Variants in MTSS1 observed in about 807,000 individuals in gnomAD.
MTSS1 encodes the protein MTSS I-BAR domain containing 1.
In MTSS1, 18 loss-of-function variants were observed where a neutral mutation model predicts 79.0. That is an observed-to-expected ratio of 0.23 (90% CI 0.16 to 0.34). The LOEUF is 0.34. Among genes scored for constraint, MTSS1 ranks in the 10% least tolerant of loss-of-function variants. The probability of loss-of-function intolerance (pLI) is 1.00; values close to 1 mark genes in which losing one functional copy is unlikely to be tolerated. For synonymous variants in MTSS1, 341 were observed against 368.6 expected (o/e 0.93, Z 0.86); for missense variants, 815 against 986.2 (o/e 0.83, Z 2.33).
At chr8:124,642,393 A>C (rs1818222034) in intron 3 of MTSS1, among the ~76,000 whole-genome samples, 1 of 152,200 alleles carries the variant, frequency 6.6e-6, no homozygotes, top group African/African-American at 2.4e-5. Flanking sequence ...CAACAGAAGG[A>C]GCCCAAAGTC....
At chr8:124,668,870 A>G (rs1201729586) in intron 3 of MTSS1, among the ~76,000 whole-genome samples, 1 of 152,136 alleles carries the variant, frequency 6.6e-6, no homozygotes, top group African/African-American at 2.4e-5. Context: ...AACCACCATT[A>G]CCACCTTCTT....
At chr8:124,639,623 C>T (rs930704991) in intron 3 of MTSS1, among the ~76,000 whole-genome samples, 2 of 152,026 alleles carry the variant, frequency 1.3e-5, no homozygotes, top group South Asian at 4.2e-4. Context: ...CCACCATGCC[C>T]AGCTAATTTT....
chr8:124,567,636 T>A, intron 7 of MTSS1: 1 of 1,398,816 alleles, frequency 7.1e-7, no homozygotes, highest in Non-Finnish European at 9.3e-7. Context: ...TTCTTTCTTG[T>A]GCTTTTCCAG....
intron 3 of MTSS1, among the ~76,000 whole-genome samples, chr8:124,678,275 TG>T (rs2134879818): frequency 6.6e-6 from 1 of 152,328 alleles, no homozygotes; most frequent in South Asian, 2.1e-4. Context: ...CTCTGAGACC[TG>T]GGGAACACTA....
intron 3 of MTSS1, among the ~76,000 whole-genome samples, chr8:124,670,852 A>G (rs927155507): frequency 3.3e-5 from 5 of 152,112 alleles, no homozygotes; most frequent in Non-Finnish European, 7.4e-5. Flanking sequence ...CCTCCCTCTG[A>G]GGACATCAAA....
chr8:124,705,542 C>T (rs150527513), intron 1 of MTSS1, among the ~76,000 whole-genome samples: 161 of 152,132 alleles, frequency 1.1e-3, no homozygotes, highest in African/African-American at 3.7e-3. Context: ...ATTATTTTTG[C>T]AGAACAGAGC....
intron 1 of MTSS1, among the ~76,000 whole-genome samples, chr8:124,715,311 A>G (rs1456973927): frequency 6.6e-6 from 1 of 151,728 alleles, no homozygotes; most frequent in Non-Finnish European, 1.5e-5. Flanking sequence ...TTCATTCCAT[A>G]TTCCCTTTTT....
chr8:124,658,713 C>G (rs1409310434), intron 3 of MTSS1, among the ~76,000 whole-genome samples: 1 of 152,062 alleles, frequency 6.6e-6, no homozygotes, highest in East Asian at 1.9e-4. Flanking sequence ...AACCAGAGCT[C>G]CTGAGAACTC....
intron 5 of MTSS1, among the ~76,000 whole-genome samples, chr8:124,587,742 T>C (rs1462672804): frequency 6.6e-6 from 1 of 152,198 alleles, no homozygotes; most frequent in Non-Finnish European, 1.5e-5. Flanking sequence ...TGACCTCAAG[T>C]GATCCACCCG....
At chr8:124,591,084 CAT>C (rs1831797558) in intron 4 of MTSS1, 65 bp downstream of exon 4, 2 of 1,311,540 alleles carry the variant, frequency 1.5e-6, no homozygotes, top group African/African-American at 1.4e-5. Flanking sequence ...GTGTGCCACA[CAT>C]GACTGCTTCC....
intron 3 of MTSS1, among the ~76,000 whole-genome samples, chr8:124,675,269 A>C (rs1825069782): frequency 6.6e-6 from 1 of 152,208 alleles, no homozygotes. Context: ...GAAAACAGGA[A>C]AACCCAAGAG....
intron 6 of MTSS1, among the ~76,000 whole-genome samples, chr8:124,581,582 A>T (rs1830061464): frequency 6.6e-6 from 1 of 151,836 alleles, no homozygotes; most frequent in African/African-American, 2.4e-5. Flanking sequence ...CAGCCTCCCG[A>T]GTAGCTGGGA....
chr8:124,717,648 C>T (rs1405863972), intron 1 of MTSS1, among the ~76,000 whole-genome samples: 1 of 151,854 alleles, frequency 6.6e-6, no homozygotes, highest in African/African-American at 2.4e-5. Context: ...GAGCTGAGAT[C>T]GCGCCACTGC....
intron 3 of MTSS1, among the ~76,000 whole-genome samples, chr8:124,657,565 G>A (rs1306250718): frequency 6.6e-6 from 1 of 151,840 alleles, no homozygotes; most frequent in Admixed American, 6.6e-5. Context: ...AGCAGAAATA[G>A]AGGGCATGAC....
At chr8:124,682,781 A>G (rs1477638332) in intron 3 of MTSS1, among the ~76,000 whole-genome samples, 3 of 152,218 alleles carry the variant, frequency 2.0e-5, no homozygotes, top group Non-Finnish European at 2.9e-5. Flanking sequence ...CATTGTCCTT[A>G]CAGCACACAC....
At chr8:124,593,737 A>G (rs568121221) in intron 3 of MTSS1, among the ~76,000 whole-genome samples, 2 of 152,312 alleles carry the variant, frequency 1.3e-5, no homozygotes, top group Admixed American at 1.3e-4. Flanking sequence ...AGAAAGGAAA[A>G]ATGCCCAAGT....
intron 3 of MTSS1, among the ~76,000 whole-genome samples, chr8:124,656,781 C>CAAAAAAA (rs59332225): frequency 9.4e-4 from 46 of 48,692 alleles, no homozygotes; most frequent in African/African-American, 1.0e-3. Context: ...GACTCCATCT[C>CAAAAAAA]AAAAAAAAAA....
chr8:124,689,203 G>T (rs1158667500), intron 3 of MTSS1, among the ~76,000 whole-genome samples: 1 of 152,114 alleles, frequency 6.6e-6, no homozygotes, highest in Non-Finnish European at 1.5e-5. Flanking sequence ...GAAAATTTTA[G>T]TTCCAACTAG....
chr8:124,662,982 G>C (rs923655359), intron 3 of MTSS1, among the ~76,000 whole-genome samples: 2 of 152,114 alleles, frequency 1.3e-5, no homozygotes, highest in Non-Finnish European at 2.9e-5. Flanking sequence ...AGGTAACCAA[G>C]GGGCAGCTGC....
Sources: gnomAD v4.1 joint callset for allele counts (sites outside exome capture counted in the v4.1 genomes callset) on GRCh38, gnomAD v4.1.1 for gene constraint, MANE v1.5 for transcripts, NCBI Gene and HGNC (gene_info 2026-07-23, HGNC 2026-07-21) for gene names.